NOTCH2NLC: variants seen among roughly 807,000 people sequenced by gnomAD.
NOTCH2NLC encodes notch homolog 2 N-terminal-like protein C.
Under a neutral mutation model 17.7 loss-of-function variants are expected in NOTCH2NLC, and 4 were observed. That is an observed-to-expected ratio of 0.23 (90% CI 0.11 to 0.52). NOTCH2NLC has a LOEUF of 0.52. Ranked by LOEUF, NOTCH2NLC falls within the 20% of genes least tolerant of loss-of-function variation. The probability of loss-of-function intolerance (pLI) is 0.96; values close to 1 mark genes in which losing one functional copy is unlikely to be tolerated. For synonymous variants in NOTCH2NLC, 18 were observed against 86.0 expected (o/e 0.21, Z 4.38); for missense variants, 57 against 207.2 (o/e 0.28, Z 4.45).
At chr1:149,444,873 A>G (rs2084539146) in intron 2 of NOTCH2NLC, among the ~76,000 whole-genome samples, 1 of 147,706 alleles carries the variant, frequency 6.8e-6, no homozygotes, top group African/African-American at 2.5e-5. Context: ...ACACCAATCT[A>G]TACACAAATA....
chr1:149,419,855 A>ATATATATATTTT (rs1468150839), intron 1 of NOTCH2NLC, among the ~76,000 whole-genome samples: 3 of 78,204 alleles, frequency 3.8e-5, no homozygotes, highest in East Asian at 4.7e-4. Context: ...ATATATATAT[A>ATATATATATTTT]TTTTTTTTTT....
rs1409242295 is a variant in NOTCH2NLC at position 149,412,174 on chromosome 1, C to G, written c.136-18768C>G. ...AAGTGGTATTGGGCCTGTCTAATTG[C>G]AAAGCCACATTCTTTACTGCATGCT... On this transcript the variant is annotated intron_variant, in intron 1 of 4. Transcript: ENST00000650865. 1.1e-4 allele frequency among the ~76,000 whole-genome samples: 16 copies of G among 148,766 alleles called. 2 individuals are homozygous for G. Among genetic ancestry groups the G allele is most frequent in the Non-Finnish European group, 1.8e-4 (12 of 66,902 alleles).
Position 149,464,988 on chromosome 1 carries a change from A to C in NOTCH2NLC, c.*835A>C. 6.9e-6 allele frequency: 1 copy of C among 145,526 alleles called. No individual in the cohort carries two copies. Among genetic ancestry groups the C allele is most frequent in the Admixed American group, 6.9e-5 (1 of 14,484 alleles). The allele number at this position is 145,526 out of a possible 1,614,324, so 9.0% of individuals were successfully genotyped here. On this transcript the variant is annotated 3_prime_UTR_variant, in exon 5 of 5. Coordinates refer to ENST00000650865, the MANE Select transcript of NOTCH2NLC (RefSeq NM_001364013.2). ...TAATTTGTTCATTTCATTTGGTAAA[A>C]ATGTATTGACTGCCTGCTATGTTCT... is the stretch of plus-strand genomic sequence containing the variant.
At position 149,393,095 on chromosome 1, in the gene NOTCH2NLC, G is replaced by A. The variant is rs1451696071; in HGVS notation, c.135+2173G>A. 2.0e-3 allele frequency among the ~76,000 whole-genome samples: 253 copies of A among 129,454 alleles called. 11 individuals carry two copies. Among genetic ancestry groups the A allele is most frequent in the Admixed American group, 2.6e-3 (34 of 13,276 alleles). The allele number at this position is 129,454 out of a possible 152,430, so 84.9% of individuals were successfully genotyped here. A position where few individuals can be genotyped will look rare whatever the true frequency, so the allele number is the denominator to read the frequency against. On this transcript the variant is annotated intron_variant, in intron 1 of 4. Coordinates refer to ENST00000650865, the MANE Select transcript of NOTCH2NLC (RefSeq NM_001364013.2). ...AAAAAAAAAAAAAAAAAAAAAAAAAGTATTAAATAATATGTCAGAAATGGG... is the reference window on the plus strand; with the variant it reads ...AAAAAAAAAAAAAAAAAAAAAAAAAATATTAAATAATATGTCAGAAATGGG...
chr1:149,417,097 CTTTTTTTTTT>C (rs1171555647), intron 1 of NOTCH2NLC, among the ~76,000 whole-genome samples: 51 of 69,582 alleles, frequency 7.3e-4, no homozygotes, highest in South Asian at 1.3e-3. Context: ...TCAGGTTTTC[CTTTTTTTTTT>C]TTTTTTTTTT....
chr1:149,419,840 A>ATATAT (rs2084368722), intron 1 of NOTCH2NLC, among the ~76,000 whole-genome samples: 2 of 113,540 alleles, frequency 1.8e-5, no homozygotes, highest in African/African-American at 7.0e-5. Context: ...GAAGTTCAGG[A>ATATAT]ATATATATAT....
rs1471400335 is a variant in NOTCH2NLC, at chr1:149,400,192, T to A, written c.135+9270T>A. On this transcript the variant is annotated intron_variant, in intron 1 of 4. Transcript: ENST00000650865. ...ACATATATATATATGCACACACACATAATATACTATTGTCAACACTAGGTT... is the reference window on the plus strand; with the variant it reads ...ACATATATATATATGCACACACACAAAATATACTATTGTCAACACTAGGTT... Among the ~76,000 whole-genome samples the A allele has an allele frequency of 3.6e-5, 5 of 138,696 alleles. No homozygotes were observed. In the East Asian group the frequency reaches 1.0e-3, roughly 29 times the overall value. The allele number at this position is 138,696 out of a possible 152,430, so 91.0% of individuals were successfully genotyped here. A position where few individuals can be genotyped will look rare whatever the true frequency, so the allele number is the denominator to read the frequency against.
chr1:149,462,833 A>ATT (rs878889477), intron 3 of NOTCH2NLC, among the ~76,000 whole-genome samples: 19,301 of 116,892 alleles, frequency 0.17, 2,197 homozygotes, highest in South Asian at 0.22. Flanking sequence ...CGGGAAGTTG[A>ATT]TTTTTTTTTT....
intron 1 of NOTCH2NLC, among the ~76,000 whole-genome samples, chr1:149,401,957 T>A (rs1229662894): frequency 7.6e-6 from 1 of 132,230 alleles, no homozygotes; most frequent in Non-Finnish European, 1.6e-5. Context: ...TCTTACACAA[T>A]GATCTCCTTT....
In NOTCH2NLC at chr1:149,431,034, A is replaced by G; in HGVS notation, c.209+19A>G. The G allele has an allele frequency of 6.3e-6, 2 of 317,576 alleles. No homozygotes were observed. The highest frequency in any genetic ancestry group is 2.5e-5 in the South Asian group (1 of 39,926). The allele number at this position is 317,576 out of a possible 1,614,324, so 19.7% of individuals were successfully genotyped here. On this transcript the variant is annotated intron_variant, in intron 2 of 4. Transcript: ENST00000650865. The stretch of plus-strand genomic sequence containing the variant: ...ACTGCAAGTAAGTTTTTCTCTTCAT[A>G]TATTTTCTTTTTGCGATAGAACACT...
At chr1:149,427,585 G>A (rs1260754308) in intron 1 of NOTCH2NLC, among the ~76,000 whole-genome samples, 2 of 53,622 alleles carry the variant, frequency 3.7e-5, no homozygotes, top group East Asian at 5.5e-4. Flanking sequence ...TGCAACCTCC[G>A]CCCCCCAGGT....
At chr1:149,413,525 A>G (rs1270961169) in intron 1 of NOTCH2NLC, among the ~76,000 whole-genome samples, 1 of 151,292 alleles carries the variant, frequency 6.6e-6, no homozygotes, top group Non-Finnish European at 1.5e-5. Context: ...TGTTGCATAT[A>G]TTAACTTGTT....
chr1:149,463,722 A>T lies in NOTCH2NLC; in HGVS notation c.701A>T (p.Gln234Leu). 1 of 427,940 alleles carries T rather than the reference A, an allele frequency of 2.3e-6. No homozygotes were observed. The highest frequency in any genetic ancestry group is 2.2e-5 in the South Asian group (1 of 45,522). 26.5% of individuals were successfully genotyped at this position (427,940 alleles called of 1,614,324 possible). A position where few individuals can be genotyped will look rare whatever the true frequency, so the allele number is the denominator to read the frequency against. Residue 234 changes from glutamine to leucine, a missense_variant, in exon 4 of 5, where the codon CAG (glutamine) becomes CTG (leucine). Gln to Leu is a moderately radical substitution (Grantham distance 113). Transcript: ENST00000650865. ...CAGTGCCTTCAGGGCTTCACAGGCC[A>T]GTACTGTGACAGCCTGTATGTGCCC... ...QCQCLQGFTG[Q>L]YCDSLYVPCA...
At chr1:149,460,387 T>G (rs1319978868) in intron 3 of NOTCH2NLC, among the ~76,000 whole-genome samples, 1 of 141,326 alleles carries the variant, frequency 7.1e-6, no homozygotes, top group Non-Finnish European at 1.6e-5. Context: ...TCATCCAGGC[T>G]GGAGTGCAGG....
At chr1:149,433,029 C>G in intron 2 of NOTCH2NLC, among the ~76,000 whole-genome samples, 1 of 147,778 alleles carries the variant, frequency 6.8e-6, no homozygotes, top group South Asian at 2.2e-4. Context: ...GGAACCAACC[C>G]AAATGCCCAA....
intron 1 of NOTCH2NLC, among the ~76,000 whole-genome samples, chr1:149,417,097 C>CTTTTTTTTTTTTTT (rs1171555647): frequency 2.9e-5 from 2 of 69,570 alleles, no homozygotes; most frequent in Non-Finnish European, 5.7e-5. Flanking sequence ...TCAGGTTTTC[C>CTTTTTTTTTTTTTT]TTTTTTTTTT....
intron 2 of NOTCH2NLC, among the ~76,000 whole-genome samples, chr1:149,454,510 T>C (rs1466321110): frequency 1.2e-4 from 17 of 146,168 alleles, no homozygotes; most frequent in African/African-American, 4.0e-4. Context: ...CCTCAGTGCC[T>C]CAATGTGGAA....
intron 1 of NOTCH2NLC, among the ~76,000 whole-genome samples, chr1:149,402,006 G>C (rs1426009454): frequency 2.8e-4 from 40 of 140,952 alleles, no homozygotes; most frequent in Non-Finnish European, 4.8e-4. Context: ...CCTCACAGGG[G>C]CTAGGTGACT....
At position 149,471,140 on chromosome 1, in the gene NOTCH2NLC, C is replaced by T. The variant is rs1457115722; in HGVS notation, c.*6987C>T. On this transcript the variant is annotated 3_prime_UTR_variant, in exon 5 of 5. Transcript: ENST00000650865. ...GTATCTTCTTTGGAGAATGTCTGTT[C>T]AGATCCTTTACCTACTTTATAATTG... Among the ~76,000 whole-genome samples, 2 of 149,320 alleles carry T rather than the reference C, an allele frequency of 1.3e-5. No individual in the cohort carries two copies. Among genetic ancestry groups the T allele is most frequent in the Non-Finnish European group, 3.0e-5 (2 of 66,948 alleles).
Sources: gnomAD v4.1 joint callset for allele counts (sites outside exome capture counted in the v4.1 genomes callset) on GRCh38, gnomAD v4.1.1 for gene constraint, MANE v1.5 for transcripts, NCBI Gene and HGNC (gene_info 2026-07-23, HGNC 2026-07-21) for gene names.